Variants in PIK3C2A observed in about 807,000 individuals in gnomAD.
PIK3C2A encodes the protein phosphatidylinositol-4-phosphate 3-kinase catalytic subunit type 2 alpha, also known as phosphatidylinositol 4-phosphate 3-kinase C2 domain-containing subunit alpha.
A neutral mutation model predicts 204.5 loss-of-function variants in PIK3C2A; 97 were observed. The ratio of observed to expected loss-of-function variants is 0.47; its 90% CI spans 0.40 to 0.56. The LOEUF is 0.56. PIK3C2A is among the 20% of genes least tolerant of loss of function. The pLI, the probability that PIK3C2A is intolerant of heterozygous loss-of-function variation, is 0.00. For missense variants in PIK3C2A, 1,735 were observed against 1,969.2 expected, an observed-to-expected ratio of 0.88 and a Z score of 2.25; for synonymous variants, 653 against 664.4, an observed-to-expected ratio of 0.98 and a Z score of 0.26.
Position 17,132,046 on chromosome 11 carries a change from A to G in PIK3C2A, c.2109-8T>C. 1 of 1,461,102 alleles carries G rather than the reference A, an allele frequency of 6.8e-7. No homozygotes were observed. Among genetic ancestry groups the G allele is most frequent in the Non-Finnish European group, 9.4e-7 (1 of 1,066,580 alleles). 90.5% of individuals were successfully genotyped at this position (1,461,102 alleles called of 1,614,324 possible). A position where few individuals can be genotyped will look rare whatever the true frequency, so the allele number is the denominator to read the frequency against. ...AAGTAGTATTTTTCATAACTGAGAA[A>G]AGAAAGTTTAACTTGATTTCTATCA... On this transcript the variant is annotated splice_polypyrimidine_tract_variant and splice_region_variant and intron_variant, in intron 11 of 32. Transcript: ENST00000691414.
At chr11:17,134,204 ATATTT>A (rs1849795703) in intron 11 of PIK3C2A, among the ~76,000 whole-genome samples, 1 of 152,062 alleles carries the variant, frequency 6.6e-6, no homozygotes. Flanking sequence ...AAAGCTGCAC[ATATTT>A]TCTTTTTATT....
intron 13 of PIK3C2A, among the ~76,000 whole-genome samples, chr11:17,128,233 CCTTT>C (rs898218980): frequency 1.0e-5 from 1 of 98,916 alleles, no homozygotes; most frequent in Non-Finnish European, 2.1e-5. Context: ...GCTTTTTTCT[CCTTT>C]TTTTTTTTAA....
chr11:17,183,411 C>G (rs955965931), intron 1 of PIK3C2A, among the ~76,000 whole-genome samples: 1 of 152,222 alleles, frequency 6.6e-6, no homozygotes, highest in Admixed American at 6.5e-5. Flanking sequence ...CACAGTGGCT[C>G]ACATCTGTAA....
At chr11:17,120,771 T>C (rs1487019969) in intron 15 of PIK3C2A, among the ~76,000 whole-genome samples, 4 of 152,190 alleles carry the variant, frequency 2.6e-5, no homozygotes, top group African/African-American at 4.8e-5. Flanking sequence ...AGCTAACCTA[T>C]TTTAAAAATT....
At position 17,091,537 on chromosome 11, in the gene PIK3C2A, A is replaced by C. The variant is rs753424956; in HGVS notation, c.4752+10T>G. On this transcript the variant is annotated intron_variant, in intron 31 of 32. Coordinates refer to ENST00000691414, the MANE Select transcript of PIK3C2A (RefSeq NM_002645.4). ...TTCCTCTACAACCATCATTCTTTGT[A>C]ATCACTCACAAGATCTTTGATATGC... 32 of 1,607,398 alleles carry C rather than the reference A, an allele frequency of 2.0e-5. No individual in the cohort carries two copies. Among genetic ancestry groups the C allele is most frequent in the Non-Finnish European group, 2.7e-5 (32 of 1,174,836 alleles).
Position 17,168,691 on chromosome 11 carries a change from C to A in PIK3C2A, c.1051G>T (p.Gly351Cys). 1 of 1,582,388 alleles carries A rather than the reference C, an allele frequency of 6.3e-7. No individual in the cohort carries two copies. Among genetic ancestry groups the A allele is most frequent in the Non-Finnish European group, 8.6e-7 (1 of 1,164,668 alleles). Residue 351 changes from glycine to cysteine, a missense_variant, in exon 2 of 33, where the codon GGC becomes TGC. Gly to Cys is a radical substitution (Grantham distance 159, BLOSUM62 -3). This residue lies in a region of PIK3C2A where 536 missense variants were observed against 546.7 expected (regional missense o/e 0.98). Coordinates refer to ENST00000691414, the MANE Select transcript of PIK3C2A (RefSeq NM_002645.4). ...AAAGACTATACCTGAGATATATGGC[C>A]CTGGGCTTTTGCAAGCTGAGTTGTT... ...IRTTQLAKAQ[G>C]HISQKDPNGT...
chr11:17,155,734 G>A (rs1850569973), intron 2 of PIK3C2A, 105 bp from the exon 3 acceptor site: 1 of 573,944 alleles, frequency 1.7e-6, no homozygotes, highest in Non-Finnish European at 3.2e-6. Context: ...CAAAGCAATG[G>A]AGGTAAAATA....
chr11:17,189,343 G>A (rs376355470), intron 1 of PIK3C2A, among the ~76,000 whole-genome samples: 10 of 146,750 alleles, frequency 6.8e-5, no homozygotes, highest in East Asian at 3.9e-4. Flanking sequence ...TGCCAGGTAC[G>A]GCAGCTCACG....
chr11:17,134,419 T>C (rs1009748570), intron 11 of PIK3C2A, among the ~76,000 whole-genome samples: 4 of 151,800 alleles, frequency 2.6e-5, no homozygotes, highest in Non-Finnish European at 5.9e-5. Context: ...TGGAGTGCAA[T>C]GGTGCAATCT....
chr11:17,193,648 C>G (rs568122726), intron 1 of PIK3C2A: 1 of 250,522 alleles, frequency 4.0e-6, no homozygotes, highest in East Asian at 1.4e-4. Context: ...GAGATCGAGA[C>G]CAACCTGGCC....
intron 2 of PIK3C2A, among the ~76,000 whole-genome samples, chr11:17,163,413 T>G (rs1850846597): frequency 6.6e-6 from 1 of 152,180 alleles, no homozygotes; most frequent in South Asian, 2.1e-4. Flanking sequence ...ATTCCTTTGT[T>G]TTTTAGACAC....
At chr11:17,141,521 T>C (rs1850064529) in intron 8 of PIK3C2A, 1 of 152,192 alleles carries the variant, frequency 6.6e-6, no homozygotes, top group African/African-American at 2.4e-5. Flanking sequence ...AGTTCCCATA[T>C]AATGTTGGAA....
At position 17,088,194 on chromosome 11, in the gene PIK3C2A, C is replaced by T. The variant is rs1177981980; in HGVS notation, c.*1544G>A. 3 of 151,878 alleles carry T rather than the reference C, an allele frequency of 2.0e-5. No individual in the cohort carries two copies. The highest frequency in any genetic ancestry group is 4.4e-5 in the Non-Finnish European group (3 of 68,002). The allele number at this position is 151,878 out of a possible 1,614,324, so 9.4% of individuals were successfully genotyped here. Reference sequence around the variant, plus strand: ...TTCTTATTATATATATGTATATATCCAAATTAACAAAATTGTGTCTGAAGT... The same window carrying T: ...TTCTTATTATATATATGTATATATCTAAATTAACAAAATTGTGTCTGAAGT... On this transcript the variant is annotated 3_prime_UTR_variant, in exon 33 of 33. Transcript: ENST00000691414.
intron 2 of PIK3C2A, among the ~76,000 whole-genome samples, chr11:17,160,626 C>T (rs1003641429): frequency 2.6e-5 from 4 of 152,002 alleles, no homozygotes; most frequent in Non-Finnish European, 5.9e-5. Context: ...GAGATGGAGA[C>T]CAGCCTAGGC....
rs746368737 is a variant in PIK3C2A, at chr11:17,114,384, C to A, written c.3298G>T (p.Val1100Leu). The A allele has an allele frequency of 6.4e-7, 1 of 1,550,834 alleles. No individual in the cohort carries two copies. Among genetic ancestry groups the A allele is most frequent in the Non-Finnish European group, 8.9e-7 (1 of 1,122,666 alleles). ...KCRLPLKPSL[V>L]AKELNIKSCS... ...ACCTTAATATTTAATTCTTTTGCCA[C>A]TAGACTTGGCTTGAGAGGGAGACGG... The change falls in exon 20 of 33, where the codon GTG becomes TTG. Residue 1100 changes from valine (V) to leucine (L), a missense_variant. Val to Leu is a conservative substitution (Grantham distance 32). This residue lies in a region of PIK3C2A where 567 missense variants were observed against 576.0 expected (regional missense o/e 0.98). Transcript: ENST00000691414.
chr11:17,165,154 A>C (rs1451928373), intron 2 of PIK3C2A, among the ~76,000 whole-genome samples: 1 of 151,996 alleles, frequency 6.6e-6, no homozygotes. Context: ...TTCCCAGGGT[A>C]CTCTATTTTC....
At chr11:17,126,660 C>G in intron 13 of PIK3C2A, among the ~76,000 whole-genome samples, 1 of 152,188 alleles carries the variant, frequency 6.6e-6, no homozygotes, top group South Asian at 2.1e-4. Context: ...CATCTTCCCT[C>G]TTAATTTCTG....
chr11:17,114,442 T>C lies in PIK3C2A; in HGVS notation c.3240A>G (p.Glu1080=), dbSNP rs934589257. ...ARQVVLQRSM[E]RVQSFFQKNK... ...TTTTCTGAAAAAAGGACTGTACTCG[T>C]TCCATACTTCTTTGGAGAACAACCT... Residue 1080 remains glutamate (E), a synonymous_variant, in exon 20 of 33, where the codon GAA becomes GAG. Transcript: ENST00000691414. The C allele has an allele frequency of 6.4e-7, 1 of 1,565,310 alleles. No individual in the cohort carries two copies. Among genetic ancestry groups the C allele is most frequent in the Non-Finnish European group, 8.8e-7 (1 of 1,136,198 alleles).
intron 22 of PIK3C2A, among the ~76,000 whole-genome samples, 157 bp from the exon 23 acceptor site, chr11:17,105,462 G>A (rs1218669025): frequency 6.6e-6 from 1 of 152,204 alleles, no homozygotes; most frequent in African/African-American, 2.4e-5. Flanking sequence ...ATGTGCCATG[G>A]TGGTTTGCTA....
Sources: allele counts gnomAD v4.1 joint callset (sites outside exome capture counted in the v4.1 genomes callset), GRCh38; gene constraint gnomAD v4.1.1; regional missense constraint gnomAD v4.1.1; transcripts MANE v1.5; gene names NCBI Gene and HGNC (gene_info 2026-07-23, HGNC 2026-07-21).